The following EXT1 variants were observed in gnomAD, a reference collection of about 807,000 sequenced individuals.
EXT1 encodes exostosin glycosyltransferase 1, also known as exostosin-1.
EXT1 carries 20 observed loss-of-function variants against 82.5 expected under a neutral mutation model. That is an observed-to-expected ratio of 0.24 (90% confidence interval 0.17 to 0.35). EXT1 has a LOEUF of 0.35. Among genes scored for constraint, EXT1 ranks in the 10% least tolerant of loss-of-function variants. The probability of loss-of-function intolerance (pLI) is 1.00; values close to 1 mark genes in which losing one functional copy is unlikely to be tolerated. For synonymous variants in EXT1, 348 were observed against 350.8 expected (o/e 0.99, Z 0.09); for missense variants, 757 against 936.5 (o/e 0.81, Z 2.50).
chr8:117,842,954 T>C (rs1276939998), intron 1 of EXT1, among the ~76,000 whole-genome samples: 2 of 152,186 alleles, frequency 1.3e-5, no homozygotes. Context: ...ACTCACACAA[T>C]TCTAGCCTCC....
chr8:117,906,444 T>C (rs1389380836), intron 1 of EXT1, among the ~76,000 whole-genome samples: 2 of 152,208 alleles, frequency 1.3e-5, no homozygotes, highest in African/African-American at 4.8e-5. Context: ...AGAATTCTTC[T>C]AACACAGCAG....
At position 117,987,485 on chromosome 8, in the gene EXT1, G is replaced by A. The variant is rs191348021; in HGVS notation, c.962+122600C>T. 8.5e-5 allele frequency among the ~76,000 whole-genome samples: 13 copies of A among 152,328 alleles called. No individual in the cohort carries two copies. The East Asian group carries it at 2.1e-3, about 25-fold the overall frequency. ...CACAGGGCAGTGCAGGCACTTCGTG[G>A]CTCACAGCCTAGCACAGCAGGTAAA... On this transcript the variant is annotated intron_variant, in intron 1 of 10. Coordinates refer to ENST00000378204, the MANE Select transcript of EXT1 (RefSeq NM_000127.3).
chr8:118,106,443 C>T (rs1817804249), intron 1 of EXT1, among the ~76,000 whole-genome samples: 1 of 152,198 alleles, frequency 6.6e-6, no homozygotes, highest in South Asian at 2.1e-4. Context: ...CTGTAAAAAT[C>T]AGGATGTTGG....
At chr8:118,095,005 A>T (rs1306643450) in intron 1 of EXT1, among the ~76,000 whole-genome samples, 1 of 152,204 alleles carries the variant, frequency 6.6e-6, no homozygotes, top group Non-Finnish European at 1.5e-5. Context: ...GAGCAAACAT[A>T]CAACACACAT....
At chr8:118,038,528 G>T (rs2129896460) in intron 1 of EXT1, among the ~76,000 whole-genome samples, 1 of 152,276 alleles carries the variant, frequency 6.6e-6, no homozygotes. Flanking sequence ...TTTAAAAACA[G>T]CTCAGGTCAG....
chr8:117,917,788 T>C (rs767371252), intron 1 of EXT1, among the ~76,000 whole-genome samples: 3 of 152,210 alleles, frequency 2.0e-5, no homozygotes, highest in Non-Finnish European at 2.9e-5. Context: ...CAGAGGTAGC[T>C]GGTGGGTGGC....
chr8:118,111,078 A>G lies in EXT1; in HGVS notation c.-32T>C. 6.4e-7 allele frequency: 1 copy of G among 1,559,762 alleles called. No individual in the cohort carries two copies. The highest frequency in any genetic ancestry group is 1.2e-5 in the South Asian group (1 of 86,518). ...TGCCTGGGTCAAGAGGATTGTAAAT[A>G]AACACAAGAATCACCCAAGTTTCCC... On this transcript the variant is annotated 5_prime_UTR_variant, in exon 1 of 11. Coordinates refer to ENST00000378204, the MANE Select transcript of EXT1 (RefSeq NM_000127.3).
At chr8:117,800,214 C>T (rs1823145931) in intron 10 of EXT1, among the ~76,000 whole-genome samples, 1 of 152,218 alleles carries the variant, frequency 6.6e-6, no homozygotes, top group South Asian at 2.1e-4. Flanking sequence ...GTGACTCAAT[C>T]TAAAACCTCT....
intron 7 of EXT1, among the ~76,000 whole-genome samples, chr8:117,814,891 G>A (rs866633342): frequency 6.6e-6 from 1 of 152,100 alleles, no homozygotes; most frequent in Admixed American, 6.6e-5. Context: ...TTTCTTTGCC[G>A]GCGAAGCTAC....
chr8:117,987,094 C>T (rs1189364784), intron 1 of EXT1, among the ~76,000 whole-genome samples: 4 of 152,130 alleles, frequency 2.6e-5, no homozygotes, highest in African/African-American at 7.2e-5. Context: ...AACTTATGGT[C>T]GAAAATTTCT....
intron 1 of EXT1, among the ~76,000 whole-genome samples, chr8:117,850,531 T>C (rs967217992): frequency 6.6e-6 from 1 of 152,246 alleles, no homozygotes; most frequent in African/African-American, 2.4e-5. Context: ...AAAGGGCTAA[T>C]TGATTTCACA....
chr8:117,824,838 C>A (rs374009445), intron 4 of EXT1, among the ~76,000 whole-genome samples: 21 of 151,804 alleles, frequency 1.4e-4, no homozygotes, highest in African/African-American at 4.6e-4. Flanking sequence ...ATTGATTATT[C>A]TTCTTCTTCT....
intron 1 of EXT1, among the ~76,000 whole-genome samples, chr8:118,088,958 G>A (rs547713378): frequency 2.0e-5 from 3 of 152,102 alleles, no homozygotes; most frequent in Non-Finnish European, 2.9e-5. Flanking sequence ...CCCACCTTCC[G>A]CTACTGGCAT....
intron 1 of EXT1, among the ~76,000 whole-genome samples, chr8:117,930,846 A>AAGATGCCAGCC (rs1470018114): frequency 6.7e-6 from 1 of 149,966 alleles, no homozygotes; most frequent in Non-Finnish European, 1.5e-5. Context: ...GCATGCGGTA[A>AAGATGCCAGCC]AGATGCCAGC....
chr8:117,839,843 G>A (rs1277655182), intron 1 of EXT1, among the ~76,000 whole-genome samples: 1 of 152,144 alleles, frequency 6.6e-6, no homozygotes, highest in Non-Finnish European at 1.5e-5. Context: ...TTCAGACACT[G>A]TCCCATTTCA....
chr8:117,806,564 G>A (rs890111152), intron 9 of EXT1, among the ~76,000 whole-genome samples: 4 of 152,152 alleles, frequency 2.6e-5, no homozygotes, highest in South Asian at 2.1e-4. Context: ...TGGTCTCCTC[G>A]ATGGTTCTCC....
intron 1 of EXT1, among the ~76,000 whole-genome samples, chr8:117,985,438 A>G (rs1376653917): frequency 2.0e-5 from 3 of 152,222 alleles, no homozygotes; most frequent in African/African-American, 7.2e-5. Context: ...CATAGACAGT[A>G]GAATATCTGC....
chr8:118,100,507 T>C (rs1448623951), intron 1 of EXT1, among the ~76,000 whole-genome samples: 1 of 152,100 alleles, frequency 6.6e-6, no homozygotes, highest in Non-Finnish European at 1.5e-5. Flanking sequence ...CCCAGCACTT[T>C]GGGAGGCCGA....
intron 1 of EXT1, among the ~76,000 whole-genome samples, chr8:118,050,489 G>A (rs1032452608): frequency 1.2e-4 from 19 of 152,124 alleles, no homozygotes; most frequent in Non-Finnish European, 2.8e-4. Context: ...TTTTCGATCT[G>A]CCTCCCAGCA....
Sources: allele counts gnomAD v4.1 joint callset (sites outside exome capture counted in the v4.1 genomes callset), GRCh38; gene constraint gnomAD v4.1.1; transcripts MANE v1.5; gene names NCBI Gene and HGNC (gene_info 2026-07-23, HGNC 2026-07-21).